SLC2A13: variants seen among roughly 807,000 people sequenced by gnomAD.
SLC2A13 encodes proton myo-inositol cotransporter.
SLC2A13 carries 32 observed loss-of-function variants against 64.4 expected under a neutral mutation model. That is an observed-to-expected ratio of 0.50 (90% CI 0.37 to 0.67). The LOEUF is 0.67. Ranked by LOEUF, SLC2A13 falls within the 30% of genes least tolerant of loss-of-function variation. The probability of loss-of-function intolerance (pLI) is 0.00; values close to 1 mark genes in which losing one functional copy is unlikely to be tolerated. For synonymous variants in SLC2A13, 338 were observed against 327.1 expected (o/e 1.03, Z -0.36); for missense variants, 743 against 829.2 (o/e 0.90, Z 1.28).
chr12:40,100,394 C>A (rs1308811781), intron 1 of SLC2A13, among the ~76,000 whole-genome samples: 1 of 152,184 alleles, frequency 6.6e-6, no homozygotes, highest in Admixed American at 6.5e-5. Flanking sequence ...AATGCCAACA[C>A]CAGGGAGAAA....
intron 4 of SLC2A13, among the ~76,000 whole-genome samples, chr12:39,918,094 G>C (rs79204971): frequency 2.9e-4 from 44 of 152,126 alleles, no homozygotes; most frequent in Non-Finnish European, 5.9e-4. Context: ...TAAGAAACAT[G>C]GTTGCTATCC....
intron 3 of SLC2A13, among the ~76,000 whole-genome samples, chr12:39,985,816 T>C (rs1947021059): frequency 6.6e-6 from 1 of 152,104 alleles, no homozygotes; most frequent in Non-Finnish European, 1.5e-5. Flanking sequence ...TTACCTCTTT[T>C]CATGCTACCA....
At chr12:39,763,198 A>T (rs1296992025) in intron 9 of SLC2A13, among the ~76,000 whole-genome samples, 5 of 152,048 alleles carry the variant, frequency 3.3e-5, no homozygotes, top group Non-Finnish European at 5.9e-5. Flanking sequence ...TGAATATACT[A>T]AATATATATC....
intron 9 of SLC2A13, among the ~76,000 whole-genome samples, chr12:39,761,724 AGGGACAAAGAC>A (rs1467880632): frequency 6.6e-6 from 1 of 152,056 alleles, no homozygotes; most frequent in Non-Finnish European, 1.5e-5. Flanking sequence ...TTTAGCAGGG[AGGGACAAAGAC>A]GGGATAGTAA....
At position 39,759,534 on chromosome 12, in the gene SLC2A13, T is replaced by C. The variant is rs1940060894; in HGVS notation, c.*492A>G. 6.5e-6 allele frequency: 1 copy of C among 152,948 alleles called. No homozygotes were observed. Among genetic ancestry groups the C allele is most frequent in the South Asian group, 2.1e-4 (1 of 4,836 alleles). 9.5% of individuals were successfully genotyped at this position (152,948 alleles called of 1,614,324 possible). ...TGATGAAAGCTTACATGGAATTTAG[T>C]TTGTAACAGCTGATCAGAGATAAGC... On this transcript the variant is annotated 3_prime_UTR_variant, in exon 10 of 10. Coordinates refer to ENST00000280871, the MANE Select transcript of SLC2A13 (RefSeq NM_052885.4).
intron 4 of SLC2A13, among the ~76,000 whole-genome samples, chr12:39,936,511 G>T (rs1269077433): frequency 6.6e-6 from 1 of 152,184 alleles, no homozygotes; most frequent in African/African-American, 2.4e-5. Flanking sequence ...TATATTTCCT[G>T]CCTTTAGGCC....
chr12:39,966,653 GATC>G (rs1946522028), intron 3 of SLC2A13, among the ~76,000 whole-genome samples: 1 of 152,082 alleles, frequency 6.6e-6, no homozygotes, highest in African/African-American at 2.4e-5. Flanking sequence ...CACTCCTATT[GATC>G]ATCCCTTAAG....
At chr12:39,883,877 GTAT>G (rs1944405433) in intron 4 of SLC2A13, among the ~76,000 whole-genome samples, 1 of 152,138 alleles carries the variant, frequency 6.6e-6, no homozygotes, top group Admixed American at 6.5e-5. Flanking sequence ...AAACACGGAA[GTAT>G]ATTCACGTAG....
At chr12:39,988,711 A>G (rs506439) in intron 3 of SLC2A13, among the ~76,000 whole-genome samples, 4 of 106,938 alleles carry the variant, frequency 3.7e-5, no homozygotes, top group African/African-American at 1.2e-4. Flanking sequence ...GGAAGGAAGG[A>G]AGGAAGGAAG....
chr12:39,812,382 C>CTTTTCTT, intron 7 of SLC2A13, among the ~76,000 whole-genome samples: 1 of 101,420 alleles, frequency 9.9e-6, no homozygotes, highest in African/African-American at 3.4e-5. Flanking sequence ...CTTTTCTTTT[C>CTTTTCTT]TTTCTTTCTC....
At chr12:39,921,758 G>C (rs1945618524) in intron 4 of SLC2A13, among the ~76,000 whole-genome samples, 1 of 152,000 alleles carries the variant, frequency 6.6e-6, no homozygotes, top group Non-Finnish European at 1.5e-5. Flanking sequence ...AACATTTCTA[G>C]GGCAAAGGAA....
At chr12:39,887,681 A>G (rs1944503914) in intron 4 of SLC2A13, among the ~76,000 whole-genome samples, 2 of 152,152 alleles carry the variant, frequency 1.3e-5, no homozygotes. Flanking sequence ...TTCTAATTCC[A>G]TGAGGAAATA....
intron 4 of SLC2A13, among the ~76,000 whole-genome samples, chr12:39,926,248 G>A (rs940394394): frequency 6.6e-6 from 1 of 151,870 alleles, no homozygotes; most frequent in Non-Finnish European, 1.5e-5. Flanking sequence ...CTTATAAAAG[G>A]GTGACTAATA....
intron 6 of SLC2A13, among the ~76,000 whole-genome samples, chr12:39,853,308 G>A (rs1943517465): frequency 1.3e-5 from 2 of 152,018 alleles, no homozygotes; most frequent in African/African-American, 4.8e-5. Context: ...CACTGTGGGT[G>A]ATCTAAGTGC....
chr12:39,896,601 T>C (rs1944922713), intron 4 of SLC2A13, among the ~76,000 whole-genome samples: 1 of 151,336 alleles, frequency 6.6e-6, no homozygotes, highest in African/African-American at 2.4e-5. Context: ...TACATATATG[T>C]ATGTATATGT....
At chr12:39,906,540 G>GT (rs552857251) in intron 4 of SLC2A13, among the ~76,000 whole-genome samples, 84 of 152,160 alleles carry the variant, frequency 5.5e-4, no homozygotes, top group African/African-American at 1.9e-3. Context: ...GAAAGAAACA[G>GT]TTTTAACTTG....
At chr12:40,014,549 T>C (rs1947587964) in intron 3 of SLC2A13, among the ~76,000 whole-genome samples, 1 of 152,164 alleles carries the variant, frequency 6.6e-6, no homozygotes, top group Non-Finnish European at 1.5e-5. Context: ...TGGAGTGCCA[T>C]GGCATGATCT....
At chr12:39,861,911 C>T (rs1198637127) in intron 6 of SLC2A13, among the ~76,000 whole-genome samples, 2 of 152,020 alleles carry the variant, frequency 1.3e-5, no homozygotes, top group Non-Finnish European at 2.9e-5. Context: ...ATGTGCAGGA[C>T]GTGCAGGTCT....
At chr12:39,988,703 A>AAGGG (rs1947078212) in intron 3 of SLC2A13, among the ~76,000 whole-genome samples, 1 of 48,068 alleles carries the variant, frequency 2.1e-5, no homozygotes, top group Non-Finnish European at 5.5e-5. Context: ...GGAAGGAAGG[A>AAGGG]AGGAAGGAAG....
Sources: gnomAD v4.1 joint callset for allele counts (sites outside exome capture counted in the v4.1 genomes callset) on GRCh38, gnomAD v4.1.1 for gene constraint, MANE v1.5 for transcripts, NCBI Gene and HGNC (gene_info 2026-07-23, HGNC 2026-07-21) for gene names.